The following LRRC2 variants were observed in gnomAD, a reference collection of about 807,000 sequenced individuals.
LRRC2 encodes leucine-rich repeat-containing protein 2.
A neutral mutation model predicts 40.2 loss-of-function variants in LRRC2; 27 were observed. The ratio of observed to expected loss-of-function variants is 0.67; its 90% CI spans 0.49 to 0.93. LRRC2 has a LOEUF of 0.93. LRRC2 is among the 40% of genes least tolerant of loss of function. The pLI, the probability that LRRC2 is intolerant of heterozygous loss-of-function variation, is 0.00. For synonymous variants in LRRC2, 147 were observed against 158.9 expected (o/e 0.92, Z 0.56); for missense variants, 402 against 439.6 (o/e 0.91, Z 0.76).
At chr3:46,537,036 G>T (rs1297100710) in intron 4 of LRRC2, among the ~76,000 whole-genome samples, 1 of 152,182 alleles carries the variant, frequency 6.6e-6, no homozygotes, top group African/African-American at 2.4e-5. Flanking sequence ...CCCAAGCCAA[G>T]GTGGCAGGAT....
In LRRC2 at chr3:46,517,456, CT is replaced by C. The variant is rs2106966849; in HGVS notation, c.*1557del. 2 of 152,278 alleles carry C rather than the reference CT, an allele frequency of 1.3e-5. No individual in the cohort carries two copies. Among genetic ancestry groups the C allele is most frequent in the South Asian group, 2.1e-4 (1 of 4,814 alleles). 9.4% of individuals were successfully genotyped at this position (152,278 alleles called of 1,614,324 possible). A position where few individuals can be genotyped will look rare whatever the true frequency, so the allele number is the denominator to read the frequency against. Reference sequence around the variant, plus strand: ...TTTCCCACCTCAGCCTCCTGAGTAGCTGGGACCACAGGCACATGCCACCACA... The same window carrying C: ...TTTCCCACCTCAGCCTCCTGAGTAGCGGGACCACAGGCACATGCCACCACA... On this transcript the variant is annotated 3_prime_UTR_variant, in exon 9 of 9. Transcript: ENST00000395905.
At chr3:46,551,411 T>G (rs1704645771) in intron 2 of LRRC2, 56 bp downstream of exon 2, 1 of 1,576,742 alleles carries the variant, frequency 6.3e-7, no homozygotes, top group Non-Finnish European at 8.6e-7. Flanking sequence ...AACTGTTGCC[T>G]GTCCAAATCC....
chr3:46,515,661 T>A lies in LRRC2; in HGVS notation c.*3353A>T, dbSNP rs1408147063. The A allele has an allele frequency of 6.6e-6, 1 of 152,162 alleles. No homozygotes were observed. The highest frequency in any genetic ancestry group is 1.5e-5 in the Non-Finnish European group (1 of 68,016). The allele number at this position is 152,162 out of a possible 1,614,324, so 9.4% of individuals were successfully genotyped here. A position where few individuals can be genotyped will look rare whatever the true frequency, so the allele number is the denominator to read the frequency against. On this transcript the variant is annotated 3_prime_UTR_variant, in exon 9 of 9. Transcript: ENST00000395905. ...AAATAATTATATATCAATGCAGTAT[T>A]TTTTTCATATGTGACAGTGAAACAA...
intron 7 of LRRC2, among the ~76,000 whole-genome samples, 194 bp downstream of exon 7, chr3:46,527,232 T>C (rs556183026): frequency 4.6e-5 from 7 of 152,330 alleles, no homozygotes; most frequent in African/African-American, 1.4e-4. Flanking sequence ...CTGAACCCTA[T>C]GCCTCTTCCT....
At position 46,518,768 on chromosome 3, in the gene LRRC2, T is replaced by A. The variant is rs1703913446; in HGVS notation, c.*246A>T. 3 of 422,390 alleles carry A rather than the reference T, an allele frequency of 7.1e-6. No individual in the cohort carries two copies. The South Asian group carries it at 2.2e-4, about 30-fold the overall frequency. The allele number at this position is 422,390 out of a possible 1,614,324, so 26.2% of individuals were successfully genotyped here. On this transcript the variant is annotated 3_prime_UTR_variant, in exon 9 of 9. Coordinates refer to ENST00000395905, the MANE Select transcript of LRRC2 (RefSeq NM_024512.5). Reference sequence around the variant, plus strand: ...TTTAAAACATATTAAATGTGCATTATTTGGAAAAAAGTATATGCAAATGAA... The same window carrying A: ...TTTAAAACATATTAAATGTGCATTAATTGGAAAAAAGTATATGCAAATGAA...
intron 7 of LRRC2, among the ~76,000 whole-genome samples, chr3:46,523,368 A>G (rs932462371): frequency 6.6e-6 from 1 of 152,150 alleles, no homozygotes; most frequent in Non-Finnish European, 1.5e-5. Context: ...TCATTGGTCT[A>G]TCACTGTTTT....
intron 3 of LRRC2, among the ~76,000 whole-genome samples, chr3:46,540,322 C>T (rs901355726): frequency 6.6e-6 from 1 of 152,074 alleles, no homozygotes; most frequent in Non-Finnish European, 1.5e-5. Flanking sequence ...GTCAGGAGTT[C>T]GAGACCAGCC....
intron 1 of LRRC2, among the ~76,000 whole-genome samples, chr3:46,560,462 A>G (rs59673973): frequency 0.048 from 7,260 of 152,334 alleles, 266 homozygotes; most frequent in South Asian, 0.15. Flanking sequence ...TAGAAATGTC[A>G]TCATCATCAT....
intron 4 of LRRC2, 141 bp downstream of exon 4, chr3:46,538,901 TGGG>T: frequency 1.3e-6 from 1 of 785,940 alleles, no homozygotes; most frequent in Non-Finnish European, 2.0e-6. Context: ...CAAGCAGCTC[TGGG>T]GAGCCTCCAA....
In LRRC2 at chr3:46,529,961, C is replaced by A. The variant is rs771012336; in HGVS notation, c.717G>T (p.Leu239Phe). 4 of 1,614,150 alleles carry A rather than the reference C, an allele frequency of 2.5e-6. No homozygotes were observed. The highest frequency in any genetic ancestry group is 2.5e-6 in the Non-Finnish European group (3 of 1,180,008). The change falls in exon 6 of 9, where the codon TTG becomes TTT. Residue 239 changes from leucine to phenylalanine, a missense_variant. Coordinates refer to ENST00000395905, the MANE Select transcript of LRRC2 (RefSeq NM_024512.5). ...VPICVLRMSN[L>F]QWLDISSNNL... ...TATTGCTGCTGATATCCAACCACTG[C>A]AAATTCGACATCCGCAGGACACAGA...
In LRRC2 at chr3:46,517,804, AATTCAAACAGCCC is replaced by A. The variant is rs907647472; in HGVS notation, c.*1197_*1209del. On this transcript the variant is annotated 3_prime_UTR_variant, in exon 9 of 9. Coordinates refer to ENST00000395905, the MANE Select transcript of LRRC2 (RefSeq NM_024512.5). ...CTTGTAATGAATCCCACCTCTCCCAAATTCAAACAGCCCATGGGCTCCCTCTGGACTGAAGCAT... is the reference window on the plus strand; with the variant it reads ...CTTGTAATGAATCCCACCTCTCCCAAATGGGCTCCCTCTGGACTGAAGCAT... 2.0e-5 allele frequency: 3 copies of A among 152,170 alleles called. No individual in the cohort carries two copies. Among genetic ancestry groups the A allele is most frequent in the Admixed American group, 2.0e-4 (3 of 15,280 alleles). The allele number at this position is 152,170 out of a possible 1,614,324, so 9.4% of individuals were successfully genotyped here. A position where few individuals can be genotyped will look rare whatever the true frequency, so the allele number is the denominator to read the frequency against.
intron 1 of LRRC2, among the ~76,000 whole-genome samples, chr3:46,560,741 A>G (rs3827494): frequency 0.38 from 57,750 of 151,928 alleles, 11,259 homozygotes; most frequent in East Asian, 0.63. Context: ...GCCTCCCTCA[A>G]TTTGGGCTAC....
intron 1 of LRRC2, among the ~76,000 whole-genome samples, chr3:46,553,679 G>A (rs13321616): frequency 0.38 from 57,266 of 151,906 alleles, 11,078 homozygotes; most frequent in East Asian, 0.64. Flanking sequence ...GTGGAAGCGG[G>A]GCCTCGCTAT....
intron 7 of LRRC2, among the ~76,000 whole-genome samples, chr3:46,526,499 C>T (rs569001818): frequency 1.5e-4 from 23 of 152,196 alleles, no homozygotes; most frequent in Non-Finnish European, 8.8e-5. Context: ...AGTGGAAGAC[C>T]TATTCTAGTG....
rs549729645 is a variant in LRRC2 at position 46,521,697 on chromosome 3, G to A, written c.930-39C>T. On this transcript the variant is annotated intron_variant, in intron 7 of 8. Coordinates refer to ENST00000395905, the MANE Select transcript of LRRC2 (RefSeq NM_024512.5). ...CATGGGAAGTATCACATTATCACCT[G>A]TGCGTTTTAAACTGCAAAATTCCTC... is the stretch of plus-strand genomic sequence containing the variant. 5 of 1,563,402 alleles carry A rather than the reference G, an allele frequency of 3.2e-6. No individual in the cohort carries two copies. In the African/African-American group the frequency reaches 6.8e-5, roughly 21 times the overall value.
intron 7 of LRRC2, among the ~76,000 whole-genome samples, chr3:46,527,085 A>G (rs139931160): frequency 3.9e-5 from 6 of 152,316 alleles, no homozygotes; most frequent in African/African-American, 1.4e-4. Flanking sequence ...AGAAGGGTGA[A>G]GCAACCAGGG....
chr3:46,521,507 A>G lies in LRRC2; in HGVS notation c.1066+15T>C. ...GTACACTAATTTTAAATAATTTTAAATATGAGTAACCCACCTCTTTCTTTA... is the reference window on the plus strand; with the variant it reads ...GTACACTAATTTTAAATAATTTTAAGTATGAGTAACCCACCTCTTTCTTTA... On this transcript the variant is annotated intron_variant, in intron 8 of 8. Transcript: ENST00000395905. The G allele has an allele frequency of 6.4e-7, 1 of 1,553,828 alleles. No individual in the cohort carries two copies. The highest frequency in any genetic ancestry group is 8.7e-7 in the Non-Finnish European group (1 of 1,146,310).
chr3:46,563,658 G>A (rs989399494), intron 1 of LRRC2, among the ~76,000 whole-genome samples: 3 of 152,224 alleles, frequency 2.0e-5, no homozygotes, highest in Non-Finnish European at 4.4e-5. Context: ...CTTCATGCAA[G>A]TTAAAGTATT....
chr3:46,564,071 C>CT (rs1705006584), intron 1 of LRRC2, among the ~76,000 whole-genome samples: 2 of 152,124 alleles, frequency 1.3e-5, no homozygotes, highest in Non-Finnish European at 2.9e-5. Context: ...TTGTCCATGA[C>CT]TCCAAGTTCC....
Sources: allele counts gnomAD v4.1 joint callset (sites outside exome capture counted in the v4.1 genomes callset), GRCh38; gene constraint gnomAD v4.1.1; transcripts MANE v1.5; gene names NCBI Gene and HGNC (gene_info 2026-07-23, HGNC 2026-07-21).